Variants in SHD observed in about 807,000 individuals in gnomAD.
The protein encoded by SHD is Src homology 2 domain containing transforming protein D, also known as SH2 domain-containing adapter protein D.
SHD carries 29 observed loss-of-function variants against 31.2 expected under a neutral mutation model. The observed-to-expected ratio is 0.93, with a 90% CI of 0.69 to 1.27. The LOEUF (loss-of-function observed/expected upper bound fraction) is 1.27, where lower values mean the gene tolerates loss of function less well. Ranked by LOEUF, SHD falls within the 50% of genes most tolerant of loss-of-function variation. The pLI is 0.00. For synonymous variants in SHD, 208 were observed against 187.8 expected, an observed-to-expected ratio of 1.11 and a Z score of -0.88; for missense variants, 520 against 453.8, an observed-to-expected ratio of 1.15 and a Z score of -1.33.
At position 4,280,461 on chromosome 19, in the gene SHD, A is replaced by G. The variant is rs750437335; in HGVS notation, c.297+101A>G. 56 of 1,324,320 alleles carry G rather than the reference A, an allele frequency of 4.2e-5. No individual in the cohort carries two copies. The Middle Eastern group carries it at 8.1e-4, about 19-fold the overall frequency. The allele number at this position is 1,324,320 out of a possible 1,614,324, so 82.0% of individuals were successfully genotyped here. A position where few individuals can be genotyped will look rare whatever the true frequency, so the allele number is the denominator to read the frequency against. ...ATTTTATGTGTGATCACAGGAGGGG[A>G]CTGGGGCACCAGACAGACCCTTCCC... On this transcript the variant is annotated intron_variant, in intron 1 of 5. Coordinates refer to ENST00000543264, the MANE Select transcript of SHD (RefSeq NM_020209.4).
chr19:4,290,331 A>C, intron 5 of SHD, 116 bp from the exon 6 acceptor site: 5 of 1,097,104 alleles, frequency 4.6e-6, no homozygotes, highest in Non-Finnish European at 6.6e-6. Flanking sequence ...GCTGTTTACC[A>C]GAGACTGGAG....
chr19:4,279,409 C>T lies in SHD; in HGVS notation c.-655C>T, dbSNP rs556588143. 2.0e-5 allele frequency: 3 copies of T among 152,274 alleles called. No homozygotes were observed. The highest frequency in any genetic ancestry group is 2.0e-4 in the Admixed American group (3 of 15,296). 9.4% of individuals were successfully genotyped at this position (152,274 alleles called of 1,614,324 possible). On this transcript the variant is annotated 5_prime_UTR_variant, in exon 1 of 6. Coordinates refer to ENST00000543264, the MANE Select transcript of SHD (RefSeq NM_020209.4). This position sits in a 1 kb window ranked among gnomAD's most constrained non-coding sequence, Gnocchi z 7.5. ...GGGGATTGGAGGAGGTTTTTATTTC[C>T]CTTTGTGCGGGTGGCTGGGGCCGGA... is the stretch of plus-strand genomic sequence containing the variant.
chr19:4,284,933 C>G, intron 4 of SHD, 29 bp downstream of exon 4: 1 of 1,561,892 alleles, frequency 6.4e-7, no homozygotes, highest in Non-Finnish European at 8.7e-7. Flanking sequence ...GGTGGAAGAG[C>G]CCCGTTGAAC....
chr19:4,284,740 A>G, intron 3 of SHD, 41 bp from the exon 4 acceptor site: 1 of 1,502,536 alleles, frequency 6.7e-7, no homozygotes, highest in East Asian at 2.5e-5. Context: ...CCCCCAAGGT[A>G]GGCTGGACTT....
At chr19:4,281,482 G>A (rs4491652) in intron 1 of SHD, among the ~76,000 whole-genome samples, 52,060 of 141,828 alleles carry the variant, frequency 0.37, 12,048 homozygotes, top group Non-Finnish European at 0.49. Context: ...AAAAGGCTGG[G>A]TGTGGTGGTT....
chr19:4,282,491 C>T (rs1990931), intron 1 of SHD, among the ~76,000 whole-genome samples: 18,162 of 151,906 alleles, frequency 0.12, 1,176 homozygotes, highest in South Asian at 0.16. Context: ...GTTGGGAGCC[C>T]GAGGCGGGCA....
intron 5 of SHD, among the ~76,000 whole-genome samples, chr19:4,288,673 T>G (rs369642867): frequency 2.6e-4 from 40 of 152,242 alleles, no homozygotes; most frequent in African/African-American, 9.1e-4. Context: ...TGTCCAAAAA[T>G]GGAGGTATAT....
chr19:4,282,519 A>G (rs144634727), intron 1 of SHD, among the ~76,000 whole-genome samples: 7 of 152,194 alleles, frequency 4.6e-5, no homozygotes, highest in Admixed American at 4.6e-4. Flanking sequence ...AGGTCAGGAG[A>G]TCGAGACCAT....
chr19:4,290,613 G>C lies in SHD; in HGVS notation c.1003G>C (p.Val335Leu). Reference sequence around the variant, plus strand: ...CGAGCATCTGGCTCTGCTGTACCCCGTGGTCACGCAGACCCCCTGACAGTG... The same window carrying C: ...CGAGCATCTGGCTCTGCTGTACCCCCTGGTCACGCAGACCCCCTGACAGTG... ...GAEHLALLYP[V>L]VTQTP Residue 335 changes from valine (V) to leucine (L), a missense_variant, in exon 6 of 6, where the codon GTG (valine) becomes CTG (leucine). Physicochemically the swap from Val to Leu is conservative, Grantham distance 32 (BLOSUM62 1). Coordinates refer to ENST00000543264, the MANE Select transcript of SHD (RefSeq NM_020209.4). 3 of 1,610,136 alleles carry C rather than the reference G, an allele frequency of 1.9e-6. No homozygotes were observed. Among genetic ancestry groups the C allele is most frequent in the South Asian group, 2.2e-5 (2 of 90,754 alleles).
chr19:4,282,025 T>C (rs186007213), intron 1 of SHD, among the ~76,000 whole-genome samples: 22 of 152,250 alleles, frequency 1.4e-4, no homozygotes, highest in Non-Finnish European at 2.6e-4. Context: ...GGCAGGTGTC[T>C]GTGCTGGGGA....
chr19:4,283,336 C>T (rs952555724), intron 3 of SHD, 94 bp downstream of exon 3: 1 of 1,266,908 alleles, frequency 7.9e-7, no homozygotes, highest in Non-Finnish European at 1.1e-6. Flanking sequence ...AAAGTAGAGT[C>T]CAATTACTTG....
intron 1 of SHD, among the ~76,000 whole-genome samples, chr19:4,280,604 G>T (rs113279693): frequency 3.9e-4 from 59 of 152,006 alleles, no homozygotes; most frequent in African/African-American, 1.4e-3. Context: ...TCGGCTCATT[G>T]CAACCTCCAC....
rs1971236554 is a variant in SHD, at chr19:4,279,798, C to G, written c.-266C>G. The G allele has an allele frequency of 2.0e-6, 1 of 504,534 alleles. No homozygotes were observed. Among genetic ancestry groups the G allele is most frequent in the African/African-American group, 2.0e-5 (1 of 50,596 alleles). The allele number at this position is 504,534 out of a possible 1,614,324, so 31.3% of individuals were successfully genotyped here. On this transcript the variant is annotated 5_prime_UTR_variant, in exon 1 of 6. Transcript: ENST00000543264. This position sits in a 1 kb window ranked among gnomAD's most constrained non-coding sequence, Gnocchi z 7.5. ...GCGGGGTTCGGGGCCCTGCGAGGTCCCCCCTTCCCCCGCGGTGCTTCCCAA... is the reference window on the plus strand; with the variant it reads ...GCGGGGTTCGGGGCCCTGCGAGGTCGCCCCTTCCCCCGCGGTGCTTCCCAA...
At chr19:4,288,510 TG>T in intron 5 of SHD, 148 bp downstream of exon 5, 1 of 844,250 alleles carries the variant, frequency 1.2e-6, no homozygotes, top group African/African-American at 1.8e-5. Context: ...GGAGAAGGGG[TG>T]GGAGTTCTGG....
chr19:4,281,190 A>G (rs1447908872), intron 1 of SHD, among the ~76,000 whole-genome samples: 1 of 151,904 alleles, frequency 6.6e-6, no homozygotes, highest in Non-Finnish European at 1.5e-5. Flanking sequence ...CATGCCTGTA[A>G]TTCCAGCACT....
rs1352013068 is a variant in SHD, at chr19:4,286,213, T to TCTTTCTTTCTTTC, written c.716+1310_716+1322dup. 5.7e-3 allele frequency among the ~76,000 whole-genome samples: 670 copies of TCTTTCTTTCTTTC among 116,998 alleles called. 26 individuals carry two copies. The highest frequency in any genetic ancestry group is 0.012 in the South Asian group (44 of 3,822). The allele number at this position is 116,998 out of a possible 152,430, so 76.8% of individuals were successfully genotyped here. On this transcript the variant is annotated intron_variant, in intron 4 of 5. Transcript: ENST00000543264. ...GGCCCGCTCTTTCTTTTTCTTTCTT[T>TCTTTCTTTCTTTC]CTTTCTTTCTTTCTTTCTTTTCTTT...
At position 4,279,853 on chromosome 19, in the gene SHD, C is replaced by G; in HGVS notation, c.-211C>G. On this transcript the variant is annotated 5_prime_UTR_variant, in exon 1 of 6. Coordinates refer to ENST00000543264, the MANE Select transcript of SHD (RefSeq NM_020209.4). The surrounding 1 kb of genome is among the most constrained non-coding windows in gnomAD (Gnocchi z 7.5). ...GGCTAAGGCGGGCTTCTCTTCCTCC[C>G]TCCTCTGTCGCCTCCTTTTCCTCCC... 1 of 622,920 alleles carries G rather than the reference C, an allele frequency of 1.6e-6. No homozygotes were observed. Among genetic ancestry groups the G allele is most frequent in the Non-Finnish European group, 2.7e-6 (1 of 367,430 alleles). The allele number at this position is 622,920 out of a possible 1,614,324, so 38.6% of individuals were successfully genotyped here.
At chr19:4,283,777 A>G (rs1240096675) in intron 3 of SHD, among the ~76,000 whole-genome samples, 1 of 150,892 alleles carries the variant, frequency 6.6e-6, no homozygotes, top group Non-Finnish European at 1.5e-5. Flanking sequence ...ACGGGGTTTC[A>G]CCATGTCAGC....
At chr19:4,281,630 C>T (rs1251455445) in intron 1 of SHD, among the ~76,000 whole-genome samples, 2 of 150,428 alleles carry the variant, frequency 1.3e-5, no homozygotes, top group African/African-American at 4.9e-5. Flanking sequence ...ATGTGGCGTG[C>T]GCCTATAATC....
Sources: allele counts gnomAD v4.1 joint callset (sites outside exome capture counted in the v4.1 genomes callset), GRCh38; gene constraint gnomAD v4.1.1; non-coding constraint Gnocchi (gnomAD v3.1); transcripts MANE v1.5; gene names NCBI Gene and HGNC (gene_info 2026-07-23, HGNC 2026-07-21).